The following DPP6 variants were observed in gnomAD, a reference collection of about 807,000 sequenced individuals.
DPP6 encodes the protein dipeptidyl peptidase like 6, also known as A-type potassium channel modulatory protein DPP6.
In DPP6, 69 loss-of-function variants were observed where a neutral mutation model predicts 122.6. The ratio of observed to expected loss-of-function variants is 0.56; its 90% CI spans 0.46 to 0.69. DPP6 has a LOEUF of 0.69. DPP6 is among the 30% of genes least tolerant of loss of function. DPP6 has a pLI of 0.00. For synonymous variants in DPP6, 418 were observed against 433.1 expected (o/e 0.97, Z 0.43); for missense variants, 928 against 1,116.9 (o/e 0.83, Z 2.41).
the DPP6 span, among the ~76,000 whole-genome samples, chr7:153,768,359 A>C: frequency 1.3e-5 from 2 of 152,042 alleles, no homozygotes; most frequent in African/African-American, 4.8e-5. Flanking sequence ...AATCTCAGGA[A>C]GTGCATTTGT....
the DPP6 span, among the ~76,000 whole-genome samples, chr7:153,763,745 A>T: frequency 6.6e-6 from 1 of 152,198 alleles, no homozygotes; most frequent in Non-Finnish European, 1.5e-5. Flanking sequence ...GAGGTGCAAG[A>T]TGGGAGAGAC....
chr7:154,518,391 T>C (rs1483442929), intron 3 of DPP6, among the ~76,000 whole-genome samples: 2 of 152,236 alleles, frequency 1.3e-5, no homozygotes, highest in Non-Finnish European at 2.9e-5. Context: ...GGATTTTGAA[T>C]TTTTAAAGCT....
At chr7:154,348,039 T>G (rs10240345) in intron 1 of DPP6, among the ~76,000 whole-genome samples, 1 of 152,032 alleles carries the variant, frequency 6.6e-6, no homozygotes, top group African/African-American at 2.4e-5. Flanking sequence ...GGAACTATGC[T>G]GTAAGTACAG....
At chr7:154,283,684 G>T (rs1804672746) in intron 1 of DPP6, among the ~76,000 whole-genome samples, 1 of 152,190 alleles carries the variant, frequency 6.6e-6, no homozygotes, top group Non-Finnish European at 1.5e-5. Context: ...GTGCATCGTT[G>T]ATGATCTCGA....
At chr7:154,055,771 C>G (rs1037423212) in intron 1 of DPP6, 1 of 152,224 alleles carries the variant, frequency 6.6e-6, no homozygotes, top group African/African-American at 2.4e-5. Flanking sequence ...CTTTTCAGTC[C>G]TGATCCCAAG....
At position 154,313,685 on chromosome 7, in the gene DPP6, G is replaced by GTGTGTGTGTGTATATATATATATATATA; in HGVS notation, c.244-132528_244-132527insGTGTGTGTGTATATATATATATATATAT. Among the ~76,000 whole-genome samples, 187 of 20,456 alleles carry GTGTGTGTGTGTATATATATATATATATA rather than the reference G, an allele frequency of 9.1e-3. 55 individuals are homozygous for GTGTGTGTGTGTATATATATATATATATA. The highest frequency in any genetic ancestry group is 0.032 in the South Asian group (10 of 308). The allele number at this position is 20,456 out of a possible 152,430, so 13.4% of individuals were successfully genotyped here. A position where few individuals can be genotyped will look rare whatever the true frequency, so the allele number is the denominator to read the frequency against. ...AAGCAACAAGATATTTTAAGATATG[G>GTGTGTGTGTGTATATATATATATATATA]TATATATATATATATATATATATAT... On this transcript the variant is annotated intron_variant, in intron 1 of 25. Coordinates refer to ENST00000377770, the MANE Select transcript of DPP6 (RefSeq NM_130797.4).
rs750260248 is a variant in DPP6, at chr7:154,885,723, A to G, written c.2224A>G (p.Ile742Val). ...TFTCGSALSPITDFKLYASAF... is the reference protein window; with the variant it reads ...TFTCGSALSPVTDFKLYASAF... ...CACCTGCGGCTCTGCTCTCTCTCCAATAACAGACTTCAAACTCTATGGTAA... is the reference window on the plus strand; with the variant it reads ...CACCTGCGGCTCTGCTCTCTCTCCAGTAACAGACTTCAAACTCTATGGTAA... Residue 742 changes from isoleucine (I) to valine (V), a missense_variant, in exon 22 of 26, where the codon ATA (isoleucine) becomes GTA (valine). Coordinates refer to ENST00000377770, the MANE Select transcript of DPP6 (RefSeq NM_130797.4). The G allele has an allele frequency of 3.8e-6, 6 of 1,596,792 alleles. No individual in the cohort carries two copies. The highest frequency in any genetic ancestry group is 2.3e-5 in the East Asian group (1 of 44,176).
At chr7:154,668,711 G>A (rs1838357027) in intron 6 of DPP6, among the ~76,000 whole-genome samples, 1 of 152,112 alleles carries the variant, frequency 6.6e-6, no homozygotes, top group Non-Finnish European at 1.5e-5. Context: ...TAAAATGTTA[G>A]CACTTTTCAT....
chr7:153,877,491 T>C, the DPP6 span, among the ~76,000 whole-genome samples: 4 of 152,134 alleles, frequency 2.6e-5, no homozygotes, highest in Admixed American at 2.6e-4. Context: ...CAAAAACTCG[T>C]GAGAACTGCA....
intron 6 of DPP6, among the ~76,000 whole-genome samples, chr7:154,646,791 G>A (rs1431502195): frequency 6.6e-6 from 1 of 152,132 alleles, no homozygotes; most frequent in East Asian, 1.9e-4. Context: ...TTGCAAAAGT[G>A]GCGAAAGAGG....
chr7:154,328,860 G>A (rs1285324448), intron 1 of DPP6, among the ~76,000 whole-genome samples: 4 of 152,170 alleles, frequency 2.6e-5, no homozygotes, highest in Non-Finnish European at 4.4e-5. Context: ...AAAACCTTGG[G>A]AAGGGAACTG....
chr7:154,366,994 C>G (rs1036715205), intron 1 of DPP6, among the ~76,000 whole-genome samples: 1 of 152,278 alleles, frequency 6.6e-6, no homozygotes, highest in South Asian at 2.1e-4. Context: ...TTCGATGTCA[C>G]AGAAGGAAAT....
intron 1 of DPP6, among the ~76,000 whole-genome samples, chr7:154,139,961 C>T (rs1033823616): frequency 1.6e-4 from 25 of 152,210 alleles, no homozygotes; most frequent in African/African-American, 4.6e-4. Context: ...TGACTTCTAG[C>T]GGCAAGCAGT....
intron 3 of DPP6, among the ~76,000 whole-genome samples, chr7:154,532,370 T>G (rs1827902317): frequency 6.6e-6 from 1 of 152,016 alleles, no homozygotes; most frequent in African/African-American, 2.4e-5. Flanking sequence ...TTAGCTTTAA[T>G]AGTTTAACTA....
chr7:153,899,268 T>G (rs1799542843), intron 1 of DPP6, among the ~76,000 whole-genome samples: 1 of 152,022 alleles, frequency 6.6e-6, no homozygotes, highest in Non-Finnish European at 1.5e-5. Context: ...TACCCAGGTT[T>G]GTGATATGTC....
chr7:153,777,064 A>G, the DPP6 span, among the ~76,000 whole-genome samples: 31 of 152,238 alleles, frequency 2.0e-4, no homozygotes, highest in African/African-American at 7.5e-4. Context: ...CCAGTCAACA[A>G]TGAGGAAACA....
In DPP6 at chr7:154,804,982, T is replaced by G; in HGVS notation, c.1547+18T>G. On this transcript the variant is annotated intron_variant, in intron 15 of 25. Transcript: ENST00000377770. Reference sequence around the variant, plus strand: ...CTCTACAGGTAACTCCTGCTCCCCCTGCACACAGGGCTCTCCCCCTTAGGA... The same window carrying G: ...CTCTACAGGTAACTCCTGCTCCCCCGGCACACAGGGCTCTCCCCCTTAGGA... 6.3e-7 allele frequency: 1 copy of G among 1,589,856 alleles called. No homozygotes were observed. The highest frequency in any genetic ancestry group is 8.6e-7 in the Non-Finnish European group (1 of 1,167,218).
At chr7:154,031,422 T>TA (rs1296459989) in intron 1 of DPP6, among the ~76,000 whole-genome samples, 1 of 151,592 alleles carries the variant, frequency 6.6e-6, no homozygotes, top group Non-Finnish European at 1.5e-5. Context: ...AAAGTCTCAC[T>TA]AAAAAACTGC....
chr7:154,330,164 G>A (rs566834100), intron 1 of DPP6, among the ~76,000 whole-genome samples: 13 of 152,310 alleles, frequency 8.5e-5, no homozygotes, highest in African/African-American at 2.2e-4. Context: ...AAACCTGCAC[G>A]TTGTGCACAT....
Sources: gnomAD v4.1 joint callset for allele counts (sites outside exome capture counted in the v4.1 genomes callset) on GRCh38, gnomAD v4.1.1 for gene constraint, MANE v1.5 for transcripts, NCBI Gene and HGNC (gene_info 2026-07-23, HGNC 2026-07-21) for gene names.